The following PTPRM variants were observed in gnomAD, a reference collection of about 807,000 sequenced individuals.
PTPRM encodes the protein protein tyrosine phosphatase receptor type M, also known as receptor-type tyrosine-protein phosphatase mu.
A neutral mutation model predicts 186.7 loss-of-function variants in PTPRM; 47 were observed. The ratio of observed to expected loss-of-function variants is 0.25; its 90% CI spans 0.20 to 0.32. The LOEUF (loss-of-function observed/expected upper bound fraction) is 0.32, where lower values mean the gene tolerates loss of function less well. Among genes scored for constraint, PTPRM ranks in the 10% least tolerant of loss-of-function variants. The probability of loss-of-function intolerance (pLI) is 1.00; values close to 1 mark genes in which losing one functional copy is unlikely to be tolerated. For synonymous variants in PTPRM, 668 were observed against 674.9 expected, an observed-to-expected ratio of 0.99 and a Z score of 0.16; for missense variants, 1,494 against 1,865.0, an observed-to-expected ratio of 0.80 and a Z score of 3.66.
chr18:8,255,829 AG>A (rs2094569514), intron 19 of PTPRM, among the ~76,000 whole-genome samples: 1 of 152,092 alleles, frequency 6.6e-6, no homozygotes, highest in Admixed American at 6.5e-5. Flanking sequence ...CAGGGAAGTG[AG>A]GAGTGGTGAT....
At chr18:8,363,713 G>T (rs938830027) in intron 23 of PTPRM, among the ~76,000 whole-genome samples, 13 of 152,166 alleles carry the variant, frequency 8.5e-5, no homozygotes, top group African/African-American at 2.9e-4. Context: ...GAAATAACAT[G>T]TCTCCTGAAA....
chr18:8,123,305 A>G (rs2092239697), intron 13 of PTPRM, among the ~76,000 whole-genome samples: 2 of 152,220 alleles, frequency 1.3e-5, no homozygotes, highest in South Asian at 4.1e-4. Context: ...CACTCCAGCA[A>G]TTGTTTTTTG....
intron 1 of PTPRM, among the ~76,000 whole-genome samples, chr18:7,591,633 T>G (rs1421866518): frequency 1.3e-5 from 2 of 152,218 alleles, no homozygotes; most frequent in Non-Finnish European, 2.9e-5. Flanking sequence ...CATAAAGAAT[T>G]AACGAAAATC....
intron 14 of PTPRM, among the ~76,000 whole-genome samples, chr18:8,171,304 G>A (rs2093397497): frequency 6.6e-6 from 1 of 152,182 alleles, no homozygotes; most frequent in Non-Finnish European, 1.5e-5. Context: ...CAGCAAATGG[G>A]CTGTGTGGCA....
intron 1 of PTPRM, among the ~76,000 whole-genome samples, chr18:7,643,862 G>T (rs2038501108): frequency 6.6e-6 from 1 of 152,076 alleles, no homozygotes; most frequent in African/African-American, 2.4e-5. Flanking sequence ...CACAATTCAT[G>T]AATGGATAAT....
intron 13 of PTPRM, among the ~76,000 whole-genome samples, chr18:8,119,218 T>G (rs2092079783): frequency 6.6e-6 from 1 of 152,174 alleles, no homozygotes; most frequent in South Asian, 2.1e-4. Context: ...GGATTTCCAT[T>G]GTCCTGATAT....
At chr18:8,139,727 A>T (rs569821838) in intron 13 of PTPRM, among the ~76,000 whole-genome samples, 3 of 152,056 alleles carry the variant, frequency 2.0e-5, no homozygotes, top group East Asian at 3.9e-4. Context: ...TCTCTGCTCG[A>T]ATGTTATTTT....
At chr18:7,761,043 CAGTT>C (rs560476767) in intron 1 of PTPRM, among the ~76,000 whole-genome samples, 10 of 152,110 alleles carry the variant, frequency 6.6e-5, no homozygotes, top group African/African-American at 1.7e-4. Flanking sequence ...AGTAAACACT[CAGTT>C]AGAAAAAGAG....
chr18:7,984,220 G>A (rs969903732), intron 7 of PTPRM, among the ~76,000 whole-genome samples: 3 of 152,032 alleles, frequency 2.0e-5, no homozygotes, highest in African/African-American at 7.3e-5. Flanking sequence ...CTTCTTGAGG[G>A]CATTAGAGTT....
At chr18:7,619,779 A>C (rs2037893737) in intron 1 of PTPRM, among the ~76,000 whole-genome samples, 1 of 152,170 alleles carries the variant, frequency 6.6e-6, no homozygotes. Context: ...CTGCGCATAG[A>C]GTAGATAGCA....
intron 14 of PTPRM, among the ~76,000 whole-genome samples, chr18:8,231,918 CA>C (rs2094291631): frequency 1.3e-5 from 2 of 152,170 alleles, no homozygotes; most frequent in African/African-American, 4.8e-5. Flanking sequence ...TCTATTGCCA[CA>C]TCATTATCAC....
chr18:7,646,486 C>A (rs1206260119), intron 1 of PTPRM, among the ~76,000 whole-genome samples: 2 of 152,138 alleles, frequency 1.3e-5, no homozygotes, highest in African/African-American at 4.8e-5. Context: ...GATTATAGTC[C>A]ATTCCAGGCT....
intron 2 of PTPRM, among the ~76,000 whole-genome samples, chr18:7,841,934 A>G (rs866565155): frequency 1.1e-3 from 104 of 96,084 alleles, no homozygotes; most frequent in Middle Eastern, 5.4e-3. Flanking sequence ...AATTTATGTT[A>G]TTATTTTTTT....
In PTPRM at chr18:8,376,609, C is replaced by T; in HGVS notation, c.3462+12C>T. On this transcript the variant is annotated intron_variant, in intron 26 of 32. Coordinates refer to ENST00000580170, the MANE Select transcript of PTPRM (RefSeq NM_001105244.2). Reference sequence around the variant, plus strand: ...TGGTGCAAACAGAGGTACTCCCGCTCATCACCTAGCCTGGGGCCTTGGTCC... The same window carrying T: ...TGGTGCAAACAGAGGTACTCCCGCTTATCACCTAGCCTGGGGCCTTGGTCC... The T allele has an allele frequency of 7.5e-6, 12 of 1,607,520 alleles. No homozygotes were observed. The highest frequency in any genetic ancestry group is 8.5e-6 in the Non-Finnish European group (10 of 1,177,112).
chr18:8,353,843 T>C, intron 23 of PTPRM, among the ~76,000 whole-genome samples: 1 of 152,162 alleles, frequency 6.6e-6, no homozygotes. Context: ...TACTGTGTGT[T>C]AGGCTTTGGC....
chr18:8,371,032 G>T (rs1336568289), intron 24 of PTPRM, 26 bp downstream of exon 24: 1 of 1,408,608 alleles, frequency 7.1e-7, no homozygotes, highest in Non-Finnish European at 1.0e-6. Flanking sequence ...GCTTTTAAAA[G>T]CTATGGTCAG....
chr18:8,268,639 C>T (rs770809402), intron 19 of PTPRM, among the ~76,000 whole-genome samples: 6 of 152,016 alleles, frequency 3.9e-5, no homozygotes, highest in Non-Finnish European at 8.8e-5. Flanking sequence ...AAGGATTAAC[C>T]AATATCCCCA....
chr18:7,888,397 T>C lies in PTPRM; in HGVS notation c.468+20T>C, dbSNP rs1191953905. ...TATCAGGTATGTGCTTTCTTTTTAT[T>C]ACATATTTTGAAGCATCCTCTAATT... On this transcript the variant is annotated intron_variant, in intron 3 of 32. Transcript: ENST00000580170. 1 of 1,549,968 alleles carries C rather than the reference T, an allele frequency of 6.5e-7. No homozygotes were observed. Among genetic ancestry groups the C allele is most frequent in the African/African-American group, 1.4e-5 (1 of 72,114 alleles).
intron 7 of PTPRM, among the ~76,000 whole-genome samples, chr18:8,021,923 T>C (rs62089513): frequency 0.36 from 54,875 of 152,032 alleles, 10,384 homozygotes; most frequent in Non-Finnish European, 0.43. Flanking sequence ...GACTAATCAG[T>C]AGATATTTTC....
Sources: allele counts gnomAD v4.1 joint callset (sites outside exome capture counted in the v4.1 genomes callset), GRCh38; gene constraint gnomAD v4.1.1; transcripts MANE v1.5; gene names NCBI Gene and HGNC (gene_info 2026-07-23, HGNC 2026-07-21).